Variants in NUP210L observed in about 807,000 individuals in gnomAD.
NUP210L encodes nucleoporin 210 like.
Under a neutral mutation model 208.5 loss-of-function variants are expected in NUP210L, and 74 were observed. The ratio of observed to expected loss-of-function variants is 0.35; its 90% CI spans 0.29 to 0.43. The LOEUF (loss-of-function observed/expected upper bound fraction) is 0.43. NUP210L is among the 20% of genes least tolerant of loss of function. NUP210L has a pLI of 1.00. For synonymous variants in NUP210L, 780 were observed against 816.9 expected (o/e 0.95, Z 0.77); for missense variants, 1,843 against 2,289.4 (o/e 0.81, Z 3.98).
At chr1:154,066,682 G>T (rs1654436482) in intron 17 of NUP210L, among the ~76,000 whole-genome samples, 1 of 152,224 alleles carries the variant, frequency 6.6e-6, no homozygotes, top group Admixed American at 6.5e-5. Context: ...CAACAAAATT[G>T]ATAGACTGCT....
intron 2 of NUP210L, among the ~76,000 whole-genome samples, chr1:154,152,104 A>AAAG (rs371576390): frequency 0.36 from 42,117 of 116,344 alleles, 8,089 homozygotes; most frequent in Admixed American, 0.46. Flanking sequence ...AAAAAAAAAA[A>AAAG]AAAGAAAGAA....
At chr1:154,078,311 A>G (rs1655146246) in intron 16 of NUP210L, among the ~76,000 whole-genome samples, 1 of 151,232 alleles carries the variant, frequency 6.6e-6, no homozygotes, top group African/African-American at 2.4e-5. Context: ...TCCAAAAAAA[A>G]AGGCCAGGTA....
chr1:153,995,925 A>T (rs1400706395), intron 37 of NUP210L: 3 of 521,372 alleles, frequency 5.8e-6, no homozygotes, highest in East Asian at 9.4e-5. Context: ...AATTGTTGTG[A>T]AAGTGTCGAA....
intron 32 of NUP210L, among the ~76,000 whole-genome samples, chr1:154,020,115 G>A (rs1370202196): frequency 6.6e-6 from 1 of 152,206 alleles, no homozygotes; most frequent in Non-Finnish European, 1.5e-5. Context: ...GGATTCAGCT[G>A]TATAGAGCCC....
At chr1:154,105,212 G>A (rs867159488) in intron 12 of NUP210L, among the ~76,000 whole-genome samples, 4 of 144,724 alleles carry the variant, frequency 2.8e-5, no homozygotes, top group East Asian at 2.1e-4. Flanking sequence ...GGCCTTGGCC[G>A]GGTGCAGTGG....
chr1:154,001,023 T>G lies in NUP210L; in HGVS notation c.5219A>C (p.His1740Pro), dbSNP rs374308439. 17 of 1,614,170 alleles carry G rather than the reference T, an allele frequency of 1.1e-5. No homozygotes were observed. The African/African-American group carries it at 2.3e-4, about 22-fold the overall frequency. ...GCCAGGAGTGAGGGGAGAGTGGCTATGGCCAGCGACCACTAGAACTGGGGA... is the reference window on the plus strand; with the variant it reads ...GCCAGGAGTGAGGGGAGAGTGGCTAGGGCCAGCGACCACTAGAACTGGGGA... The change falls in exon 37 of 40, where the codon CAT becomes CCT. Residue 1740 changes from histidine to proline, a missense_variant. By Grantham distance (77) the His-to-Pro change is moderately conservative. Around this residue, in one of 5 missense-constraint regions of NUP210L, gnomAD observed 781 missense variants for 973.8 expected, o/e 0.80. Transcript: ENST00000368559.
chr1:154,153,348 T>C (rs1659495836), intron 1 of NUP210L, among the ~76,000 whole-genome samples: 1 of 152,190 alleles, frequency 6.6e-6, no homozygotes, highest in African/African-American at 2.4e-5. Flanking sequence ...GTCACTTTGT[T>C]GCCCAAGCTG....
Position 154,125,547 on chromosome 1 carries a change from G to T in NUP210L, c.1326+776C>A, listed in dbSNP as rs543031458. Among the ~76,000 whole-genome samples, 66 of 149,178 alleles carry T rather than the reference G, an allele frequency of 4.4e-4. 1 individual carries two copies. In the East Asian group the frequency reaches 0.013, roughly 30 times the overall value. On this transcript the variant is annotated intron_variant, in intron 10 of 39. Coordinates refer to ENST00000368559, the Ensembl canonical transcript of NUP210L. ...TAAGGTGGGAGGATTGCTTGAGCCTGGGAGGTCCAGGCTGCAGTGAGCCAT... is the reference window on the plus strand; with the variant it reads ...TAAGGTGGGAGGATTGCTTGAGCCTTGGAGGTCCAGGCTGCAGTGAGCCAT...
chr1:154,042,041 C>T (rs1015890232), intron 27 of NUP210L, among the ~76,000 whole-genome samples: 3 of 151,982 alleles, frequency 2.0e-5, no homozygotes, highest in Admixed American at 2.0e-4. Flanking sequence ...TCAATGTTGG[C>T]ATTTCCACAG....
intron 25 of NUP210L, among the ~76,000 whole-genome samples, chr1:154,049,901 G>A (rs180762092): frequency 2.6e-5 from 4 of 152,212 alleles, no homozygotes; most frequent in African/African-American, 2.4e-5. Flanking sequence ...CGTTTTCATC[G>A]GAAAGTGTTG....
chr1:154,117,980 A>G lies in NUP210L; in HGVS notation c.1465-100T>C. 3.8e-6 allele frequency: 3 copies of G among 791,874 alleles called. No homozygotes were observed. In the South Asian group the frequency reaches 5.3e-5, roughly 14 times the overall value. The allele number at this position is 791,874 out of a possible 1,614,324, so 49.1% of individuals were successfully genotyped here. ...GTGAAATAAAGTTTACAAAATAGTA[A>G]CATAATATAATAAATTATTTTTGGA... On this transcript the variant is annotated intron_variant, in intron 11 of 39. Coordinates refer to ENST00000368559, the Ensembl canonical transcript of NUP210L.
intron 1 of NUP210L, 62 bp downstream of exon 1, chr1:154,154,780 C>T (rs1169673698): frequency 1.5e-6 from 2 of 1,334,922 alleles, no homozygotes; most frequent in East Asian, 4.6e-5. Context: ...ACAGAGGGAA[C>T]CCCCCTCACC....
chr1:154,051,576 C>T (rs1411483851), intron 25 of NUP210L, among the ~76,000 whole-genome samples: 1 of 152,190 alleles, frequency 6.6e-6, no homozygotes, highest in African/African-American at 2.4e-5. Context: ...ACAGCATTAC[C>T]TGGAAAGAAG....
At chr1:154,061,128 A>G in intron 18 of NUP210L, 82 bp from the exon 19 acceptor site, 1 of 947,384 alleles carries the variant, frequency 1.1e-6, no homozygotes, top group Non-Finnish European at 1.7e-6. Context: ...TTGTAATCCC[A>G]GCACTTTGGG....
chr1:154,037,534 T>C (rs1267025831), intron 27 of NUP210L, among the ~76,000 whole-genome samples: 1 of 152,210 alleles, frequency 6.6e-6, no homozygotes, highest in Non-Finnish European at 1.5e-5. Flanking sequence ...ACATGAAATA[T>C]CTTTTTCCAT....
At chr1:154,026,966 C>T (rs540426844) in intron 29 of NUP210L, among the ~76,000 whole-genome samples, 3 of 151,518 alleles carry the variant, frequency 2.0e-5, no homozygotes, top group Admixed American at 6.6e-5. Context: ...ACCTGTAATC[C>T]CAGCTACTCA....
chr1:154,016,681 C>T (rs909006788), intron 33 of NUP210L, among the ~76,000 whole-genome samples: 2 of 152,078 alleles, frequency 1.3e-5, no homozygotes, highest in Admixed American at 6.6e-5. Context: ...CAGTGGCTCA[C>T]GCCTGTAATC....
chr1:154,139,610 C>G (rs558063395), intron 5 of NUP210L, among the ~76,000 whole-genome samples, 192 bp downstream of exon 5: 86 of 151,756 alleles, frequency 5.7e-4, no homozygotes, highest in African/African-American at 2.0e-3. Context: ...AGGCAGACTG[C>G]TTGAGCTCAG....
intron 17 of NUP210L, among the ~76,000 whole-genome samples, chr1:154,065,302 C>T (rs1654348479): frequency 6.6e-6 from 1 of 151,458 alleles, no homozygotes; most frequent in African/African-American, 2.4e-5. Flanking sequence ...CACCTACAGT[C>T]CTAGCTACTA....
Sources: gnomAD v4.1 joint callset for allele counts (sites outside exome capture counted in the v4.1 genomes callset) on GRCh38, gnomAD v4.1.1 for gene constraint, gnomAD v4.1.1 regional missense constraint, MANE v1.5 for transcripts, NCBI Gene and HGNC (gene_info 2026-07-23, HGNC 2026-07-21) for gene names.